The following MAP1LC3A variants were observed in gnomAD, a reference collection of about 807,000 sequenced individuals.
The protein encoded by MAP1LC3A is microtubule associated protein 1 light chain 3 alpha.
A neutral mutation model predicts 15.2 loss-of-function variants in MAP1LC3A; 10 were observed. The ratio of observed to expected loss-of-function variants is 0.66; its 90% confidence interval spans 0.41 to 1.12. MAP1LC3A has a LOEUF of 1.12. MAP1LC3A is among the 50% of genes most tolerant of loss of function. The probability of loss-of-function intolerance (pLI) is 0.00; values close to 1 mark genes in which losing one functional copy is unlikely to be tolerated. For missense variants in MAP1LC3A, 138 were observed against 167.3 expected (o/e 0.82, Z 0.97); for synonymous variants, 63 against 64.3 (o/e 0.98, Z 0.10).
At chr20:34,547,840 G>T (rs1240055918) in intron 1 of MAP1LC3A, among the ~76,000 whole-genome samples, 2 of 152,122 alleles carry the variant, frequency 1.3e-5, no homozygotes, top group African/African-American at 4.8e-5. Context: ...GGCTGGTCTT[G>T]AGCTCCTGCG....
intron 1 of MAP1LC3A, among the ~76,000 whole-genome samples, chr20:34,549,500 C>G (rs546596311): frequency 5.7e-4 from 87 of 152,226 alleles, no homozygotes; most frequent in African/African-American, 2.0e-3. Context: ...TTGCCTGGCT[C>G]AGGAAGGAAT....
At chr20:34,554,038 C>T (rs541496778), upstream of MAP1LC3A, among the ~76,000 whole-genome samples, 7 of 152,294 alleles carry the variant, frequency 4.6e-5, no homozygotes, top group African/African-American at 1.7e-4. Context: ...TGCCAAATTG[C>T]TCTCCAGTGT....
chr20:34,559,642 G>C, intron 3 of MAP1LC3A, 94 bp from the exon 4 acceptor site: 2 of 1,374,554 alleles, frequency 1.5e-6, no homozygotes, highest in African/African-American at 2.9e-5. Context: ...GGGTGAGAAT[G>C]GGTGTGAAAG....
chr20:34,547,371 A>AT (rs916576485), intron 1 of MAP1LC3A, among the ~76,000 whole-genome samples: 22 of 141,168 alleles, frequency 1.6e-4, no homozygotes, highest in South Asian at 4.5e-4. Flanking sequence ...TGGCAGTGGA[A>AT]TTTTTTTTTT....
upstream of MAP1LC3A, among the ~76,000 whole-genome samples, chr20:34,555,602 T>C (rs1461670931): frequency 1.3e-5 from 2 of 152,196 alleles, no homozygotes; most frequent in Non-Finnish European, 2.9e-5. Context: ...TCATGGATTT[T>C]CTGTATTTAT....
At chr20:34,557,951 G>A (rs1405708325), upstream of MAP1LC3A, among the ~76,000 whole-genome samples, 2 of 115,594 alleles carry the variant, frequency 1.7e-5, no homozygotes, top group East Asian at 5.0e-4. Flanking sequence ...CCAAAAAAAT[G>A]TTGATCTTCA....
Position 34,558,916 on chromosome 20 carries a change from C to A in MAP1LC3A, c.40+8C>A. The A allele has an allele frequency of 7.2e-7, 1 of 1,395,156 alleles. No individual in the cohort carries two copies. The highest frequency in any genetic ancestry group is 9.3e-7 in the Non-Finnish European group (1 of 1,078,536). 86.4% of individuals were successfully genotyped at this position (1,395,156 alleles called of 1,614,324 possible). A position where few individuals can be genotyped will look rare whatever the true frequency, so the allele number is the denominator to read the frequency against. On this transcript the variant is annotated splice_region_variant and intron_variant, in intron 1 of 3. Transcript: ENST00000360668. This position sits in a 1 kb window ranked among gnomAD's most constrained non-coding sequence, Gnocchi z 4.3. ...AGCAGCGGCGGAGCTTCGGTGAGGC[C>A]CGGCAGGCGAGCTGCGAGCTCTGGG...
At chr20:34,558,490 C>T, upstream of MAP1LC3A, 1 of 1,032,898 alleles carries the variant, frequency 9.7e-7, no homozygotes, top group Non-Finnish European at 1.2e-6. This position sits in a 1 kb window ranked among gnomAD's most constrained non-coding sequence, Gnocchi z 4.3. Flanking sequence ...GCGGCCCCAC[C>T]GCCCTCCGGG....
chr20:34,559,809 ACGC>A lies in MAP1LC3A; in HGVS notation c.279_281del (p.Pro94del). ...CCAGCACAGCATGGTGAGTGTGTCCACGCCCATCGCGGACATCTACGAGCAGGA... is the reference window on the plus strand; with the variant it reads ...CCAGCACAGCATGGTGAGTGTGTCCACCATCGCGGACATCTACGAGCAGGA... On this transcript the variant is annotated inframe_deletion, in exon 4 of 4. Transcript: ENST00000360668. 2 of 1,613,780 alleles carry A rather than the reference ACGC, an allele frequency of 1.2e-6. No homozygotes were observed.
upstream of MAP1LC3A, among the ~76,000 whole-genome samples, chr20:34,555,113 T>C (rs1165977267): frequency 6.6e-6 from 1 of 151,912 alleles, no homozygotes; most frequent in East Asian, 1.9e-4. Flanking sequence ...GTTGGGACTA[T>C]AGGTGTGTGC....
At position 34,558,791 on chromosome 20, in the gene MAP1LC3A, A is replaced by G; in HGVS notation, c.-78A>G. 1 of 1,356,546 alleles carries G rather than the reference A, an allele frequency of 7.4e-7. No individual in the cohort carries two copies. The highest frequency in any genetic ancestry group is 9.4e-7 in the Non-Finnish European group (1 of 1,063,600). 84.0% of individuals were successfully genotyped at this position (1,356,546 alleles called of 1,614,324 possible). ...CGGAGCCCTTGAGCGCGAGGCGCGGAGCCCCCGGAGCCCCCAAACCGCAGA... is the reference window on the plus strand; with the variant it reads ...CGGAGCCCTTGAGCGCGAGGCGCGGGGCCCCCGGAGCCCCCAAACCGCAGA... On this transcript the variant is annotated 5_prime_UTR_variant, in exon 1 of 4. Coordinates refer to ENST00000360668, the MANE Select transcript of MAP1LC3A (RefSeq NM_032514.4). This position sits in a 1 kb window ranked among gnomAD's most constrained non-coding sequence, Gnocchi z 4.3.
At chr20:34,554,045 G>A (rs1306004414), upstream of MAP1LC3A, among the ~76,000 whole-genome samples, 1 of 152,186 alleles carries the variant, frequency 6.6e-6, no homozygotes, top group Non-Finnish European at 1.5e-5. Flanking sequence ...TTGCTCTCCA[G>A]TGTAGCTGAG....
In MAP1LC3A at chr20:34,551,467, CTTT is replaced by C. The variant is rs58191574; in HGVS notation, c.52+1458_52+1460del. Among the ~76,000 whole-genome samples the C allele has an allele frequency of 0.011, 1,173 of 104,794 alleles. 68 individuals carry two copies. In the Admixed American group the frequency reaches 0.11, roughly 10 times the overall value. The allele number at this position is 104,794 out of a possible 152,430, so 68.7% of individuals were successfully genotyped here. ...GGAACCTTCCAAGGGGAACGCTGTC[CTTT>C]TTTTTTTTTTTTTTTTTTTGAGTCT... is the stretch of plus-strand genomic sequence containing the variant. On this transcript the variant is annotated intron_variant, in intron 2 of 4. Coordinates refer to the MAP1LC3A transcript ENST00000374837.
upstream of MAP1LC3A, among the ~76,000 whole-genome samples, chr20:34,555,906 G>A (rs934709190): frequency 2.7e-5 from 4 of 150,496 alleles, no homozygotes; most frequent in Admixed American, 1.3e-4. Context: ...GCAGTGGCGC[G>A]ATCTCCATTT....
At chr20:34,555,253 CT>C (rs1329406677), upstream of MAP1LC3A, among the ~76,000 whole-genome samples, 1 of 151,448 alleles carries the variant, frequency 6.6e-6, no homozygotes, top group East Asian at 1.9e-4. Flanking sequence ...TCAAGCAATT[CT>C]TGTGCCTCAG....
At chr20:34,548,748 C>T (rs1981834700) in intron 1 of MAP1LC3A, among the ~76,000 whole-genome samples, 1 of 151,480 alleles carries the variant, frequency 6.6e-6, no homozygotes, top group Non-Finnish European at 1.5e-5. Flanking sequence ...TCTTGTCTCC[C>T]AGGCTGGAGT....
At chr20:34,554,380 T>C (rs1982067028), upstream of MAP1LC3A, among the ~76,000 whole-genome samples, 1 of 29,288 alleles carries the variant, frequency 3.4e-5, no homozygotes. Flanking sequence ...TTTTTTTTTT[T>C]TTTTTTTTTT....
Position 34,549,816 on chromosome 20 carries a change from C to T in MAP1LC3A, c.-73-89C>T, listed in dbSNP as rs1653186730. 8.0e-6 allele frequency: 5 copies of T among 622,596 alleles called. No individual in the cohort carries two copies. The Admixed American group carries it at 1.0e-4, about 13-fold the overall frequency. The allele number at this position is 622,596 out of a possible 1,614,324, so 38.6% of individuals were successfully genotyped here. ...GTCTTAGGGAGAGGTGATTTCAGCA[C>T]TTCTGGTTCAGCCAGTCTTCAATCT... On this transcript the variant is annotated intron_variant, in intron 1 of 4. Coordinates refer to the MAP1LC3A transcript ENST00000374837.
chr20:34,553,862 A>G (rs1248222187), upstream of MAP1LC3A, among the ~76,000 whole-genome samples: 1 of 152,242 alleles, frequency 6.6e-6, no homozygotes, highest in Non-Finnish European at 1.5e-5. Context: ...TTATAGGAAC[A>G]CACAGCAAGC....
Sources: gnomAD v4.1 joint callset for allele counts (sites outside exome capture counted in the v4.1 genomes callset) on GRCh38, gnomAD v4.1.1 for gene constraint, Gnocchi (gnomAD v3.1) non-coding constraint, MANE v1.5 for transcripts, NCBI Gene and HGNC (gene_info 2026-07-23, HGNC 2026-07-21) for gene names.